SGO2: variants seen among roughly 807,000 people sequenced by gnomAD.
SGO2 encodes shugoshin 2.
Under a neutral mutation model 99.5 loss-of-function variants are expected in SGO2, and 68 were observed. The ratio of observed to expected loss-of-function variants is 0.68; its 90% CI spans 0.56 to 0.84. The LOEUF (loss-of-function observed/expected upper bound fraction) is 0.84, where lower values mean the gene tolerates loss of function less well. SGO2 is among the 40% of genes least tolerant of loss of function. SGO2 has a pLI of 0.00. For missense variants in SGO2, 1,350 were observed against 1,436.7 expected, an observed-to-expected ratio of 0.94 and a Z score of 0.97; for synonymous variants, 457 against 487.1, an observed-to-expected ratio of 0.94 and a Z score of 0.81.
intron 5 of SGO2, among the ~76,000 whole-genome samples, chr2:200,559,342 G>A (rs935046281): frequency 6.6e-6 from 1 of 151,978 alleles, no homozygotes; most frequent in African/African-American, 2.4e-5. Context: ...TCTTGCTCTA[G>A]AGGTCTGTCA....
intron 2 of SGO2, 29 bp from the exon 3 acceptor site, chr2:200,534,967 A>G (rs778239026): frequency 3.4e-6 from 5 of 1,450,358 alleles, no homozygotes; most frequent in Non-Finnish European, 4.6e-6. Flanking sequence ...TAAGCTGAAT[A>G]TTAACTCATT....
chr2:200,537,855 C>G (rs1050818048), intron 4 of SGO2, among the ~76,000 whole-genome samples: 1 of 152,116 alleles, frequency 6.6e-6, no homozygotes, highest in Admixed American at 6.6e-5. Flanking sequence ...CATTTGCCAC[C>G]AAACCAGTTC....
At chr2:200,533,517 A>ATGTG (rs751624851) in intron 2 of SGO2, 3 of 65,498 alleles carry the variant, frequency 4.6e-5, no homozygotes, top group Admixed American at 1.3e-4. Context: ...TATATAATGT[A>ATGTG]TATGTGTGTG....
intron 5 of SGO2, among the ~76,000 whole-genome samples, chr2:200,549,566 G>A (rs181986999): frequency 1.3e-5 from 2 of 152,158 alleles, no homozygotes; most frequent in African/African-American, 4.8e-5. Flanking sequence ...TGATCAAGTG[G>A]GATTCATGCT....
intron 5 of SGO2, among the ~76,000 whole-genome samples, chr2:200,563,877 T>G (rs1352718604): frequency 6.6e-6 from 1 of 152,186 alleles, no homozygotes; most frequent in African/African-American, 2.4e-5. Context: ...TGATGGTAGT[T>G]TGTATTTCTG....
At chr2:200,578,282 C>T (rs2033731620) in intron 8 of SGO2, among the ~76,000 whole-genome samples, 1 of 151,804 alleles carries the variant, frequency 6.6e-6, no homozygotes, top group South Asian at 2.1e-4. Context: ...CTAAGAGTTC[C>T]TTCAGGTTGG....
intron 5 of SGO2, among the ~76,000 whole-genome samples, chr2:200,545,375 G>A (rs1175119582): frequency 1.3e-5 from 2 of 152,178 alleles, no homozygotes; most frequent in South Asian, 4.1e-4. Flanking sequence ...TAGATGACCA[G>A]TAGCTCTTTA....
chr2:200,582,509 C>A (rs1443251448), intron 8 of SGO2, among the ~76,000 whole-genome samples: 1 of 152,078 alleles, frequency 6.6e-6, no homozygotes. Context: ...GGAAAAAAAT[C>A]TTTCCTTAGA....
intron 4 of SGO2, among the ~76,000 whole-genome samples, chr2:200,536,790 G>C (rs2031715904): frequency 2.0e-5 from 3 of 151,944 alleles, no homozygotes; most frequent in Non-Finnish European, 4.4e-5. Context: ...TACTAAGTGG[G>C]GCAGGTGATG....
chr2:200,546,897 C>G (rs2032241742), intron 5 of SGO2, among the ~76,000 whole-genome samples: 1 of 151,872 alleles, frequency 6.6e-6, no homozygotes, highest in Non-Finnish European at 1.5e-5. Flanking sequence ...AAGACCAAAT[C>G]TAAGAATTAT....
At chr2:200,564,706 G>A (rs534863611) in intron 5 of SGO2, among the ~76,000 whole-genome samples, 3 of 152,292 alleles carry the variant, frequency 2.0e-5, no homozygotes, top group African/African-American at 7.2e-5. Context: ...AAGTCTCTTT[G>A]TAGGTCTCTA....
intron 5 of SGO2, among the ~76,000 whole-genome samples, chr2:200,550,566 G>A (rs2032433493): frequency 6.6e-6 from 1 of 152,004 alleles, no homozygotes; most frequent in Admixed American, 6.6e-5. Flanking sequence ...CTCATCTTCT[G>A]CAAAGGTCCC....
Position 200,569,800 on chromosome 2 carries a change from C to CG in SGO2, c.613dup (p.Glu205GlyfsTer6). 1 of 1,609,634 alleles carries CG rather than the reference C, an allele frequency of 6.2e-7. No homozygotes were observed. The highest frequency in any genetic ancestry group is 8.5e-7 in the Non-Finnish European group (1 of 1,176,226). ...CAACCTTTATCAACTCAGGATAATT[C>CG]GGAAGTGTTATTTCTTAAAGAAAAT... On this transcript the variant is annotated frameshift_variant, in exon 6 of 9. Coordinates refer to ENST00000357799, the MANE Select transcript of SGO2 (RefSeq NM_152524.6). LOFTEE classifies it high-confidence loss of function.
Position 200,546,659 on chromosome 2 carries a change from A to G in SGO2, c.473+3995A>G, listed in dbSNP as rs180694665. Reference sequence around the variant, plus strand: ...AAGCAGCTCAGAAATTTATCAGAGAAATTTAACAAAGAGATTAAAATAATA... The same window carrying G: ...AAGCAGCTCAGAAATTTATCAGAGAGATTTAACAAAGAGATTAAAATAATA... On this transcript the variant is annotated intron_variant, in intron 5 of 8. Transcript: ENST00000357799. 7.2e-5 allele frequency among the ~76,000 whole-genome samples: 11 copies of G among 152,258 alleles called. No homozygotes were observed. In the East Asian group the frequency reaches 2.1e-3, roughly 29 times the overall value.
rs1251362269 is a variant in SGO2 at position 200,535,018 on chromosome 2, A to G, written c.156A>G (p.Ile52Met). 1 of 1,531,434 alleles carries G rather than the reference A, an allele frequency of 6.5e-7. No homozygotes were observed. Among genetic ancestry groups the G allele is most frequent in the Non-Finnish European group, 8.7e-7 (1 of 1,151,960 alleles). The allele number at this position is 1,531,434 out of a possible 1,614,324, so 94.9% of individuals were successfully genotyped here. The stretch of plus-strand genomic sequence containing the variant: ...CAGATAATTCTTCTATTTTCAAAAT[A>G]TCTTTAAAGCACAACAACAGGGCAT... ...KILNNSSIFK[I>M]SLKHNNRALA... Residue 52 changes from isoleucine to methionine, a missense_variant, in exon 3 of 9, where the codon ATA (isoleucine) becomes ATG (methionine). Ile to Met is a conservative substitution (Grantham distance 10, BLOSUM62 1). Transcript: ENST00000357799.
At chr2:200,575,785 C>A (rs951717372) in intron 8 of SGO2, among the ~76,000 whole-genome samples, 8 of 152,086 alleles carry the variant, frequency 5.3e-5, no homozygotes, top group African/African-American at 1.9e-4. Flanking sequence ...TTTTGTTACC[C>A]CATTTGTTTA....
At chr2:200,538,092 C>G (rs1357253981) in intron 4 of SGO2, among the ~76,000 whole-genome samples, 2 of 152,146 alleles carry the variant, frequency 1.3e-5, no homozygotes, top group African/African-American at 2.4e-5. Flanking sequence ...TACTTTTTCT[C>G]TTGTTCCTCT....
At position 200,573,858 on chromosome 2, in the gene SGO2, T is replaced by C. The variant is rs375098535; in HGVS notation, c.3512T>C (p.Ile1171Thr). Reference sequence around the variant, plus strand: ...AGCGTTTCTTCTGGTAAAAATGTGATAATAAAAGAAAATTTTGCCTTGGAG... The same window carrying C: ...AGCGTTTCTTCTGGTAAAAATGTGACAATAAAAGAAAATTTTGCCTTGGAG... Reference protein sequence around the residue: ...PLSVSSGKNVIIKENFALECS... With the variant: ...PLSVSSGKNVTIKENFALECS... The change falls in exon 7 of 9, where the codon ATA (isoleucine) becomes ACA (threonine). Residue 1171 changes from isoleucine to threonine, a missense_variant. Transcript: ENST00000357799. 3.7e-6 allele frequency: 6 copies of C among 1,613,120 alleles called. No individual in the cohort carries two copies. Among genetic ancestry groups the C allele is most frequent in the Non-Finnish European group, 5.1e-6 (6 of 1,179,488 alleles).
intron 5 of SGO2, among the ~76,000 whole-genome samples, chr2:200,560,472 G>C (rs1027963645): frequency 6.6e-6 from 1 of 151,854 alleles, no homozygotes; most frequent in Non-Finnish European, 1.5e-5. Context: ...CTGGTTTTCT[G>C]AGTTTTTATA....
Sources: gnomAD v4.1 joint callset for allele counts (sites outside exome capture counted in the v4.1 genomes callset) on GRCh38, gnomAD v4.1.1 for gene constraint, MANE v1.5 for transcripts, NCBI Gene and HGNC (gene_info 2026-07-23, HGNC 2026-07-21) for gene names.